The following ERBB4 variants were observed in gnomAD, a reference collection of about 807,000 sequenced individuals.
ERBB4 encodes erb-b2 receptor tyrosine kinase 4.
A neutral mutation model predicts 158.0 loss-of-function variants in ERBB4; 42 were observed. That is an observed-to-expected ratio of 0.27 (90% confidence interval 0.21 to 0.34). ERBB4 has a LOEUF of 0.34. Ranked by LOEUF, ERBB4 falls within the 10% of genes least tolerant of loss-of-function variation. The probability of loss-of-function intolerance (pLI) is 1.00; values close to 1 mark genes in which losing one functional copy is unlikely to be tolerated. For missense variants in ERBB4, 1,333 were observed against 1,624.1 expected, an observed-to-expected ratio of 0.82 and a Z score of 3.08; for synonymous variants, 583 against 558.7, an observed-to-expected ratio of 1.04 and a Z score of -0.61.
At chr2:211,662,871 T>A (rs2071482798) in intron 15 of ERBB4, among the ~76,000 whole-genome samples, 1 of 152,180 alleles carries the variant, frequency 6.6e-6, no homozygotes, top group South Asian at 2.1e-4. Context: ...CTATTTTCAT[T>A]AATGTGGTTC....
At chr2:212,201,676 T>C (rs185946158) in intron 1 of ERBB4, among the ~76,000 whole-genome samples, 3 of 152,330 alleles carry the variant, frequency 2.0e-5, no homozygotes, top group African/African-American at 7.2e-5. Flanking sequence ...AGGAAATTAT[T>C]TTTTGATCCA....
intron 20 of ERBB4, among the ~76,000 whole-genome samples, chr2:211,448,809 C>A (rs953632484): frequency 1.3e-5 from 2 of 152,090 alleles, no homozygotes; most frequent in Non-Finnish European, 2.9e-5. Flanking sequence ...TGAGGTCATG[C>A]ATCTTCTTTC....
intron 19 of ERBB4, among the ~76,000 whole-genome samples, chr2:211,585,562 G>A (rs1361783721): frequency 3.3e-5 from 5 of 151,914 alleles, no homozygotes; most frequent in Admixed American, 1.3e-4. Context: ...AATTATACAT[G>A]TTTAAAAATT....
chr2:212,365,164 T>A (rs1303210069), intron 1 of ERBB4, among the ~76,000 whole-genome samples: 1 of 151,562 alleles, frequency 6.6e-6, no homozygotes, highest in African/African-American at 2.4e-5. Flanking sequence ...GAACACAAAA[T>A]AAGGTTTGCA....
intron 1 of ERBB4, among the ~76,000 whole-genome samples, chr2:212,210,549 G>T (rs2082903103): frequency 6.6e-6 from 1 of 152,012 alleles, no homozygotes; most frequent in Admixed American, 6.6e-5. Flanking sequence ...ATCAATCAGA[G>T]AAATAGATGA....
intron 2 of ERBB4, among the ~76,000 whole-genome samples, chr2:212,057,557 G>T (rs1013093427): frequency 1.3e-5 from 2 of 152,154 alleles, no homozygotes; most frequent in African/African-American, 4.8e-5. Context: ...AAATGTAAAA[G>T]AACAGAAATT....
chr2:211,850,447 A>G (rs2077691110), intron 3 of ERBB4, among the ~76,000 whole-genome samples: 1 of 151,826 alleles, frequency 6.6e-6, no homozygotes, highest in East Asian at 1.9e-4. Context: ...TACTCTCTCA[A>G]ACAACATACA....
At chr2:211,720,915 G>T (rs1271407379) in intron 7 of ERBB4, among the ~76,000 whole-genome samples, 1 of 152,128 alleles carries the variant, frequency 6.6e-6, no homozygotes, top group Non-Finnish European at 1.5e-5. Flanking sequence ...CTTACCTGGA[G>T]GGATAGCTGC....
rs187196859 is a variant in ERBB4, at chr2:212,063,742, T to C, written c.234+61010A>G. ...CAAAAAGCCATAAATAGGTTAAATA[T>C]AGGAACTATCATAGCAAAATCGTAT... On this transcript the variant is annotated intron_variant, in intron 2 of 27. Coordinates refer to ENST00000342788, the MANE Select transcript of ERBB4 (RefSeq NM_005235.3). Among the ~76,000 whole-genome samples the C allele has an allele frequency of 1.2e-4, 18 of 152,274 alleles. No individual in the cohort carries two copies. The East Asian group carries it at 3.3e-3, about 28-fold the overall frequency.
intron 4 of ERBB4, among the ~76,000 whole-genome samples, chr2:211,751,654 C>T (rs1375810629): frequency 6.6e-6 from 1 of 152,172 alleles, no homozygotes; most frequent in Non-Finnish European, 1.5e-5. Context: ...ACAACGTTAA[C>T]TATATTATAA....
At chr2:212,037,117 TTTG>T (rs869205911) in intron 2 of ERBB4, among the ~76,000 whole-genome samples, 1 of 150,082 alleles carries the variant, frequency 6.7e-6, no homozygotes, top group African/African-American at 2.4e-5. Flanking sequence ...GGTTTTTTTG[TTTG>T]TTGTTCATTT....
intron 1 of ERBB4, among the ~76,000 whole-genome samples, chr2:212,446,927 T>A (rs1052566417): frequency 1.3e-5 from 2 of 150,402 alleles, no homozygotes; most frequent in Non-Finnish European, 3.0e-5. Context: ...GGAAATAATA[T>A]GATCAATTAT....
intron 1 of ERBB4, among the ~76,000 whole-genome samples, chr2:212,251,412 C>T (rs1177492173): frequency 6.6e-6 from 1 of 151,914 alleles, no homozygotes; most frequent in African/African-American, 2.4e-5. Context: ...TAATCCCTGT[C>T]CTCAAGTACC....
intron 20 of ERBB4, among the ~76,000 whole-genome samples, chr2:211,516,837 T>C (rs2066047229): frequency 6.6e-6 from 1 of 152,038 alleles, no homozygotes; most frequent in African/African-American, 2.4e-5. Flanking sequence ...TGAGTAACAG[T>C]GATGTGACCA....
intron 20 of ERBB4, among the ~76,000 whole-genome samples, chr2:211,490,494 A>G (rs1375222216): frequency 6.6e-6 from 1 of 152,068 alleles, no homozygotes; most frequent in African/African-American, 2.4e-5. Context: ...AGTAGTAAAA[A>G]TTCAATAAAT....
At chr2:212,090,983 C>T (rs1398351063) in intron 2 of ERBB4, among the ~76,000 whole-genome samples, 1 of 152,098 alleles carries the variant, frequency 6.6e-6, no homozygotes, top group Non-Finnish European at 1.5e-5. Context: ...GTGTTGGTCA[C>T]CTCACCCTTT....
intron 3 of ERBB4, among the ~76,000 whole-genome samples, chr2:211,879,729 G>C (rs2078610599): frequency 6.6e-6 from 1 of 152,024 alleles, no homozygotes; most frequent in African/African-American, 2.4e-5. Flanking sequence ...TAAAAAACTA[G>C]AAGCTAGTTA....
At chr2:211,933,507 A>G (rs2125103999) in intron 3 of ERBB4, among the ~76,000 whole-genome samples, 1 of 152,228 alleles carries the variant, frequency 6.6e-6, no homozygotes. Flanking sequence ...CAATTCGGTT[A>G]CACATGAATT....
chr2:212,345,602 C>T (rs2088960349), intron 1 of ERBB4, among the ~76,000 whole-genome samples: 2 of 152,020 alleles, frequency 1.3e-5, no homozygotes, highest in Admixed American at 1.3e-4. Context: ...TTGAAAGTGG[C>T]ATGAAATTTA....
Sources: allele counts gnomAD v4.1 joint callset (sites outside exome capture counted in the v4.1 genomes callset), GRCh38; gene constraint gnomAD v4.1.1; transcripts MANE v1.5; gene names NCBI Gene and HGNC (gene_info 2026-07-23, HGNC 2026-07-21).